Variants in CTNNA1 observed in about 807,000 individuals in gnomAD.
CTNNA1 encodes the protein catenin alpha 1.
Under a neutral mutation model 98.4 loss-of-function variants are expected in CTNNA1, and 37 were observed. The observed-to-expected ratio is 0.38, with a 90% CI of 0.29 to 0.49. The LOEUF is 0.49. CTNNA1 is among the 20% of genes least tolerant of loss of function. CTNNA1 has a pLI of 0.95. For missense variants in CTNNA1, 761 were observed against 1,147.2 expected, an observed-to-expected ratio of 0.66 and a Z score of 4.86; for synonymous variants, 404 against 413.2, an observed-to-expected ratio of 0.98 and a Z score of 0.27.
At chr5:138,905,140 ATT>A (rs1758958850) in intron 10 of CTNNA1, among the ~76,000 whole-genome samples, 1 of 151,904 alleles carries the variant, frequency 6.6e-6, no homozygotes, top group Non-Finnish European at 1.5e-5. Context: ...AAATACAAAA[ATT>A]AGCCCAACAT....
chr5:138,917,614 A>G, intron 10 of CTNNA1, 128 bp from the exon 11 acceptor site: 1 of 897,992 alleles, frequency 1.1e-6, no homozygotes, highest in Non-Finnish European at 1.7e-6. Flanking sequence ...ACTGTTTTAC[A>G]CTCTTCCCCT....
At chr5:138,814,732 C>T (rs1055688836) in intron 5 of CTNNA1, among the ~76,000 whole-genome samples, 5 of 151,844 alleles carry the variant, frequency 3.3e-5, no homozygotes, top group African/African-American at 7.3e-5. Flanking sequence ...TGCAAAATGG[C>T]GGAATAAGTA....
rs550903337 is a variant in CTNNA1, at chr5:138,905,550, A to G, written c.1389+1109A>G. Among the ~76,000 whole-genome samples, 194 of 152,364 alleles carry G rather than the reference A, an allele frequency of 1.3e-3. 1 individual carries two copies. Among genetic ancestry groups the G allele is most frequent in the African/African-American group, 4.6e-3 (190 of 41,588 alleles). On this transcript the variant is annotated intron_variant, in intron 10 of 17. Transcript: ENST00000302763. The stretch of plus-strand genomic sequence containing the variant: ...GTCATAAAGCAGCCTTATGATACAG[A>G]TAGTAACTTAATTTGGCCAGCTTCT...
Position 138,824,772 on chromosome 5 carries a change from A to G in CTNNA1, c.831A>G (p.Glu277=), listed in dbSNP as rs1480849531. ...ASQHQGGGGG[E]LAYALNNFDK... ...AGCACCAGGGTGGAGGAGGAGGAGA[A>G]CTGGCATATGCACTCAATAACTTTG... is the stretch of plus-strand genomic sequence containing the variant. The change falls in exon 6 of 18, where the codon GAA becomes GAG. Residue 277 remains glutamate (E), a synonymous_variant. Coordinates refer to ENST00000302763, the MANE Select transcript of CTNNA1 (RefSeq NM_001903.5). The G allele has an allele frequency of 6.2e-7, 1 of 1,614,222 alleles. No individual in the cohort carries two copies. Among genetic ancestry groups the G allele is most frequent in the Non-Finnish European group, 8.5e-7 (1 of 1,180,030 alleles).
At chr5:138,842,555 T>A (rs569168987) in intron 7 of CTNNA1, among the ~76,000 whole-genome samples, 1 of 152,242 alleles carries the variant, frequency 6.6e-6, no homozygotes. Context: ...GTTTTTCTTA[T>A]GCCGTTAAAG....
chr5:138,859,268 C>G (rs1764043265), intron 7 of CTNNA1, among the ~76,000 whole-genome samples: 1 of 152,114 alleles, frequency 6.6e-6, no homozygotes, highest in Non-Finnish European at 1.5e-5. Flanking sequence ...CCCTTGAAAC[C>G]TATCCTTTTT....
chr5:138,811,716 G>C (rs1581116461), intron 4 of CTNNA1, among the ~76,000 whole-genome samples: 1 of 151,956 alleles, frequency 6.6e-6, no homozygotes, highest in Non-Finnish European at 1.5e-5. Flanking sequence ...AGGAGCTGGA[G>C]ACCAGCCCGG....
chr5:138,811,080 C>T (rs1434307336), intron 4 of CTNNA1, among the ~76,000 whole-genome samples: 63 of 151,872 alleles, frequency 4.1e-4, no homozygotes, highest in Non-Finnish European at 6.0e-4. Flanking sequence ...ACTTCCCAGA[C>T]GGTGTGGTTG....
intron 7 of CTNNA1, chr5:138,869,270 G>A (rs888138620): frequency 2.0e-5 from 3 of 151,506 alleles, no homozygotes; most frequent in Non-Finnish European, 2.9e-5. Context: ...AGCTTAAACA[G>A]TAATTTTCTA....
Position 138,873,667 on chromosome 5 carries a change from G to A in CTNNA1, c.1063-12545G>A, listed in dbSNP as rs1294236634. ...CAACGGTTGTGAGGGATCTCAGGGA[G>A]TTTAAGATCTTGGAATCAAGGCTGT... On this transcript the variant is annotated intron_variant, in intron 7 of 17. Transcript: ENST00000302763. This position sits in a 1 kb window ranked among gnomAD's most constrained non-coding sequence, Gnocchi z 6.1. The A allele has an allele frequency of 1.9e-6, 3 of 1,614,056 alleles. No individual in the cohort carries two copies. The South Asian group carries it at 3.3e-5, about 18-fold the overall frequency.
intron 10 of CTNNA1, 116 bp downstream of exon 10, chr5:138,904,557 G>A: frequency 7.5e-7 from 1 of 1,330,838 alleles, no homozygotes; most frequent in South Asian, 1.5e-5. Flanking sequence ...TGGAAGTCTT[G>A]GGGACAGATC....
intron 5 of CTNNA1, among the ~76,000 whole-genome samples, chr5:138,821,741 G>A (rs1760067289): frequency 6.6e-6 from 1 of 152,164 alleles, no homozygotes; most frequent in South Asian, 2.1e-4. Flanking sequence ...TTGTTCCTGA[G>A]TCTGCTTGAA....
chr5:138,916,046 C>T (rs952354807), intron 10 of CTNNA1, among the ~76,000 whole-genome samples: 1 of 151,940 alleles, frequency 6.6e-6, no homozygotes, highest in African/African-American at 2.4e-5. Context: ...AAGACTCAGT[C>T]TCAAAAAGAA....
intron 11 of CTNNA1, among the ~76,000 whole-genome samples, chr5:138,921,821 G>A (rs192076246): frequency 2.5e-4 from 38 of 151,702 alleles, no homozygotes; most frequent in Middle Eastern, 3.4e-3. Flanking sequence ...GGATGGTCCC[G>A]ATCTCCTGAC....
At chr5:138,930,732 C>G (rs1319316137) in intron 15 of CTNNA1, 78 bp downstream of exon 15, 1 of 1,551,220 alleles carries the variant, frequency 6.4e-7, no homozygotes, top group Non-Finnish European at 8.9e-7. Context: ...GCGGCTCAGA[C>G]AGCCCAGGCC....
At chr5:138,866,020 G>A (rs1764723031) in intron 7 of CTNNA1, among the ~76,000 whole-genome samples, 1 of 152,114 alleles carries the variant, frequency 6.6e-6, no homozygotes, top group Non-Finnish European at 1.5e-5. Flanking sequence ...AATTATAAAT[G>A]GCTGCAGAGG....
At position 138,877,975 on chromosome 5, in the gene CTNNA1, G is replaced by A. The variant is rs115450318; in HGVS notation, c.1063-8237G>A. Among the ~76,000 whole-genome samples, 658 of 152,216 alleles carry A rather than the reference G, an allele frequency of 4.3e-3. 1 individual carries two copies. The highest frequency in any genetic ancestry group is 0.015 in the African/African-American group (618 of 41,526). On this transcript the variant is annotated intron_variant, in intron 7 of 17. Transcript: ENST00000302763. ...AACATGCAGAAGGAAAAGCATCTCC[G>A]TGCCCTTAAACTCTTGGTTTTTAGT...
intron 1 of CTNNA1, among the ~76,000 whole-genome samples, chr5:138,768,691 T>C (rs939190300): frequency 6.6e-6 from 1 of 151,324 alleles, no homozygotes; most frequent in East Asian, 2.0e-4. Context: ...TCCTTCTGCC[T>C]GAGCCTTCCC....
intron 1 of CTNNA1, among the ~76,000 whole-genome samples, chr5:138,763,770 T>TG (rs1487414630): frequency 1.3e-5 from 2 of 152,252 alleles, no homozygotes; most frequent in African/African-American, 4.8e-5. Context: ...TTTATATTCC[T>TG]GGGGATCTCT....
Sources: gnomAD v4.1 joint callset for allele counts (sites outside exome capture counted in the v4.1 genomes callset) on GRCh38, gnomAD v4.1.1 for gene constraint, Gnocchi (gnomAD v3.1) non-coding constraint, MANE v1.5 for transcripts, NCBI Gene and HGNC (gene_info 2026-07-23, HGNC 2026-07-21) for gene names.